Variants in LRP1B observed in about 807,000 individuals in gnomAD.
The protein encoded by LRP1B is low-density lipoprotein receptor-related protein 1B.
LRP1B carries 217 observed loss-of-function variants against 556.6 expected under a neutral mutation model. That is an observed-to-expected ratio of 0.39 (90% CI 0.35 to 0.44). LRP1B has a LOEUF of 0.44. LRP1B is among the 20% of genes least tolerant of loss of function. The probability of loss-of-function intolerance (pLI) is 1.00; values close to 1 mark genes in which losing one functional copy is unlikely to be tolerated. For synonymous variants in LRP1B, 2,047 were observed against 1,865.8 expected (o/e 1.10, Z -2.50); for missense variants, 5,053 against 5,620.8 (o/e 0.90, Z 3.23).
intron 32 of LRP1B, among the ~76,000 whole-genome samples, chr2:140,779,681 C>T (rs746202945): frequency 1.6e-4 from 18 of 115,608 alleles, no homozygotes; most frequent in Non-Finnish European, 2.5e-4. Flanking sequence ...GGTGACAGAG[C>T]GAGACTCTGT....
intron 16 of LRP1B, among the ~76,000 whole-genome samples, chr2:140,993,123 A>C (rs1252929235): frequency 6.6e-6 from 1 of 152,024 alleles, no homozygotes; most frequent in African/African-American, 2.4e-5. Flanking sequence ...TTAATTTTTA[A>C]AAAAGGGAAA....
chr2:141,907,100 C>G (rs1051004451), intron 1 of LRP1B, among the ~76,000 whole-genome samples: 2 of 151,972 alleles, frequency 1.3e-5, no homozygotes, highest in African/African-American at 4.8e-5. Context: ...GTTCAGTTGG[C>G]ATAAAACTTG....
chr2:141,664,466 C>A (rs558988414), intron 2 of LRP1B, among the ~76,000 whole-genome samples: 28 of 152,288 alleles, frequency 1.8e-4, no homozygotes, highest in Admixed American at 5.9e-4. Flanking sequence ...ATCCCATCAT[C>A]TCAGTCCAAG....
At chr2:141,140,966 T>C (rs1382636245) in intron 7 of LRP1B, among the ~76,000 whole-genome samples, 2 of 152,154 alleles carry the variant, frequency 1.3e-5, no homozygotes, top group African/African-American at 4.8e-5. Flanking sequence ...ACTGTGCTGG[T>C]CCTTCGAGGT....
At chr2:142,039,825 A>G (rs765801221) in intron 1 of LRP1B, among the ~76,000 whole-genome samples, 7 of 151,572 alleles carry the variant, frequency 4.6e-5, no homozygotes, top group Non-Finnish European at 1.0e-4. Flanking sequence ...TTTTGTATTG[A>G]AGTCATTGCT....
intron 7 of LRP1B, among the ~76,000 whole-genome samples, chr2:141,074,637 T>A (rs200609033): frequency 0.14 from 5,880 of 43,328 alleles, 122 homozygotes; most frequent in East Asian, 0.18. Context: ...ACACATATAT[T>A]ACATATATAA....
At chr2:140,307,943 G>C (rs1684134915) in intron 83 of LRP1B, among the ~76,000 whole-genome samples, 1 of 151,860 alleles carries the variant, frequency 6.6e-6, no homozygotes, top group African/African-American at 2.4e-5. Flanking sequence ...CTTATTTATA[G>C]AGCATTCACA....
rs142787085 is a variant in LRP1B at position 141,211,295 on chromosome 2, CTT to C, written c.850+17886_850+17887del. 2.5e-3 allele frequency among the ~76,000 whole-genome samples: 308 copies of C among 124,562 alleles called. 3 individuals are homozygous for C. Among genetic ancestry groups the C allele is most frequent in the African/African-American group, 7.6e-3 (268 of 35,480 alleles). 81.7% of individuals were successfully genotyped at this position (124,562 alleles called of 152,430 possible). A position where few individuals can be genotyped will look rare whatever the true frequency, so the allele number is the denominator to read the frequency against. ...GAGACACCATGCCCAGCCCATTTTTCTTTTTTTTTAAAAAAAAAAAACAAAAC... is the reference window on the plus strand; with the variant it reads ...GAGACACCATGCCCAGCCCATTTTTCTTTTTTTAAAAAAAAAAAACAAAAC... On this transcript the variant is annotated intron_variant, in intron 6 of 90. Coordinates refer to ENST00000389484, the MANE Select transcript of LRP1B (RefSeq NM_018557.3).
chr2:141,929,618 A>C (rs151171625), intron 1 of LRP1B, among the ~76,000 whole-genome samples: 23 of 152,198 alleles, frequency 1.5e-4, no homozygotes, highest in African/African-American at 5.3e-4. Flanking sequence ...TAGAGAGTTA[A>C]AATTTTAAAC....
chr2:140,490,460 A>G (rs1688652347), intron 57 of LRP1B, among the ~76,000 whole-genome samples: 1 of 152,146 alleles, frequency 6.6e-6, no homozygotes, highest in Non-Finnish European at 1.5e-5. Flanking sequence ...TACAACAAAG[A>G]GAATAAAATT....
At chr2:140,590,204 G>C (rs746657952) in intron 43 of LRP1B, among the ~76,000 whole-genome samples, 2 of 148,852 alleles carry the variant, frequency 1.3e-5, no homozygotes, top group African/African-American at 2.5e-5. Context: ...CAACCTAAAG[G>C]CTTCTATTAA....
intron 10 of LRP1B, among the ~76,000 whole-genome samples, chr2:141,050,521 C>T (rs1249454370): frequency 6.6e-6 from 1 of 151,976 alleles, no homozygotes; most frequent in Non-Finnish European, 1.5e-5. Context: ...TGACAGGCCC[C>T]GTTGTGTGTT....
intron 2 of LRP1B, among the ~76,000 whole-genome samples, chr2:141,656,546 T>C (rs1690016487): frequency 6.6e-6 from 1 of 152,146 alleles, no homozygotes; most frequent in Non-Finnish European, 1.5e-5. Flanking sequence ...ATACCTGGTA[T>C]TGATTTAAAC....
chr2:141,632,689 G>T (rs919581963), intron 2 of LRP1B, among the ~76,000 whole-genome samples: 2 of 151,662 alleles, frequency 1.3e-5, no homozygotes, highest in African/African-American at 4.8e-5. Flanking sequence ...ATACCAAATG[G>T]GGTTGGCATA....
chr2:141,123,081 A>G (rs1242322211), intron 7 of LRP1B, among the ~76,000 whole-genome samples: 2 of 152,028 alleles, frequency 1.3e-5, no homozygotes, highest in East Asian at 3.9e-4. Flanking sequence ...GGGGAACATC[A>G]CACACCAGGG....
At chr2:141,603,386 G>A (rs1574129320) in intron 2 of LRP1B, among the ~76,000 whole-genome samples, 3 of 152,252 alleles carry the variant, frequency 2.0e-5, no homozygotes, top group Admixed American at 2.0e-4. Context: ...ATCCTTCAGT[G>A]AATCCTACTT....
At chr2:140,261,748 A>AT (rs1681953051) in intron 86 of LRP1B, among the ~76,000 whole-genome samples, 3 of 152,040 alleles carry the variant, frequency 2.0e-5, no homozygotes, top group Admixed American at 6.6e-5. Context: ...ATAGGGTCTC[A>AT]TTTTTTAGTA....
At chr2:141,747,307 C>T (rs956763263) in intron 2 of LRP1B, among the ~76,000 whole-genome samples, 6 of 152,128 alleles carry the variant, frequency 3.9e-5, no homozygotes, top group African/African-American at 1.4e-4. Context: ...AAGCCCAGCT[C>T]CACAAATTCA....
intron 73 of LRP1B, 113 bp from the exon 74 acceptor site, chr2:140,358,229 C>T: frequency 9.7e-7 from 1 of 1,029,198 alleles, no homozygotes; most frequent in Non-Finnish European, 1.4e-6. Context: ...GGTTTACAAT[C>T]CTTTATCTGA....
Sources: gnomAD v4.1 joint callset for allele counts (sites outside exome capture counted in the v4.1 genomes callset) on GRCh38, gnomAD v4.1.1 for gene constraint, MANE v1.5 for transcripts, NCBI Gene and HGNC (gene_info 2026-07-23, HGNC 2026-07-21) for gene names.